SDK1: variants seen among roughly 807,000 people sequenced by gnomAD.
SDK1 encodes the protein sidekick cell adhesion molecule 1, also known as protein sidekick-1.
In SDK1, 157 loss-of-function variants were observed where a neutral mutation model predicts 245.5. That is an observed-to-expected ratio of 0.64 (90% CI 0.56 to 0.73). The LOEUF is 0.73. Among genes scored for constraint, SDK1 ranks in the 30% least tolerant of loss-of-function variants. The pLI is 0.00. For missense variants in SDK1, 3,583 were observed against 3,002.3 expected, an observed-to-expected ratio of 1.19 and a Z score of -4.52; for synonymous variants, 1,647 against 1,278.5, an observed-to-expected ratio of 1.29 and a Z score of -6.15.
chr7:3,420,157 G>C (rs919103816), intron 1 of SDK1, among the ~76,000 whole-genome samples: 6 of 152,180 alleles, frequency 3.9e-5, no homozygotes, highest in African/African-American at 1.4e-4. Flanking sequence ...ATTCAATGTG[G>C]TGTCCTTTGA....
chr7:3,539,783 C>T (rs1779000472), intron 1 of SDK1, among the ~76,000 whole-genome samples: 1 of 152,106 alleles, frequency 6.6e-6, no homozygotes, highest in Admixed American at 6.5e-5. Context: ...TAGGGCTCAC[C>T]AACTCAGTGC....
rs1260455726 is a variant in SDK1, at chr7:3,403,837, A to G, written c.298+101953A>G. Among the ~76,000 whole-genome samples, 8 of 54,962 alleles carry G rather than the reference A, an allele frequency of 1.5e-4. No homozygotes were observed. The East Asian group carries it at 2.1e-3, about 14-fold the overall frequency. The allele number at this position is 54,962 out of a possible 152,430, so 36.1% of individuals were successfully genotyped here. A position where few individuals can be genotyped will look rare whatever the true frequency, so the allele number is the denominator to read the frequency against. On this transcript the variant is annotated intron_variant, in intron 1 of 44. Coordinates refer to ENST00000404826, the MANE Select transcript of SDK1 (RefSeq NM_152744.4). ...TGAAATATCTTACATATATATATAT[A>G]TATATATATATATATATATATATAT...
chr7:4,251,120 A>G, intron 44 of SDK1, among the ~76,000 whole-genome samples: 1 of 152,224 alleles, frequency 6.6e-6, no homozygotes, highest in East Asian at 1.9e-4. Flanking sequence ...ACATATCAGT[A>G]CTTCATTTCT....
intron 40 of SDK1, among the ~76,000 whole-genome samples, chr7:4,228,908 T>G (rs770939754): frequency 3.9e-5 from 6 of 152,054 alleles, no homozygotes; most frequent in Non-Finnish European, 5.9e-5. Flanking sequence ...CTTCCGGACA[T>G]CCCAGAGAGC....
chr7:3,558,020 C>G (rs1375984502), intron 1 of SDK1, among the ~76,000 whole-genome samples: 1 of 146,860 alleles, frequency 6.8e-6, no homozygotes, highest in Non-Finnish European at 1.5e-5. Flanking sequence ...GACCCTGTTC[C>G]TGTCTCATAG....
intron 5 of SDK1, among the ~76,000 whole-genome samples, chr7:3,880,007 G>T (rs1178689965): frequency 6.6e-6 from 1 of 152,008 alleles, no homozygotes; most frequent in Non-Finnish European, 1.5e-5. Context: ...TCTTCTCAAT[G>T]GCTTTATAAT....
At chr7:3,349,029 C>T (rs775861051) in intron 1 of SDK1, among the ~76,000 whole-genome samples, 18 of 151,842 alleles carry the variant, frequency 1.2e-4, no homozygotes, top group Admixed American at 2.0e-4. Context: ...TGTGACTGGT[C>T]TGCGCTTCTT....
rs1378317615 is a variant in SDK1 at position 3,601,656 on chromosome 7, T to C, written c.299-17424T>C. Among the ~76,000 whole-genome samples the C allele has an allele frequency of 7.9e-5, 12 of 151,928 alleles. No homozygotes were observed. The East Asian group carries it at 2.3e-3, about 29-fold the overall frequency. ...TTTTCTCAAAGATCCAGCTTTCTTA[T>C]CAATTTATTTATTTATTTAAATTTT... On this transcript the variant is annotated intron_variant, in intron 1 of 44. Coordinates refer to ENST00000404826, the MANE Select transcript of SDK1 (RefSeq NM_152744.4).
intron 1 of SDK1, among the ~76,000 whole-genome samples, chr7:3,506,646 C>A (rs1045246530): frequency 6.6e-6 from 1 of 152,090 alleles, no homozygotes; most frequent in Non-Finnish European, 1.5e-5. Flanking sequence ...CAGTCTTCCT[C>A]CCCCTGCTCC....
chr7:3,412,232 C>T (rs1258439602), intron 1 of SDK1, among the ~76,000 whole-genome samples: 3 of 152,060 alleles, frequency 2.0e-5, no homozygotes, highest in African/African-American at 7.2e-5. Flanking sequence ...CCTTTTCCTG[C>T]CCCATTTCCT....
At chr7:3,827,977 TA>T (rs1779819401) in intron 5 of SDK1, among the ~76,000 whole-genome samples, 1 of 152,216 alleles carries the variant, frequency 6.6e-6, no homozygotes, top group Non-Finnish European at 1.5e-5. Context: ...CTGTCCTAAC[TA>T]ATACATTACT....
At chr7:3,656,664 C>T (rs1783194294) in intron 4 of SDK1, among the ~76,000 whole-genome samples, 2 of 151,998 alleles carry the variant, frequency 1.3e-5, no homozygotes, top group Admixed American at 6.5e-5. Flanking sequence ...TCAACCCATA[C>T]ATGCTCCTTG....
intron 1 of SDK1, among the ~76,000 whole-genome samples, chr7:3,416,009 G>T (rs993267892): frequency 1.3e-5 from 2 of 152,170 alleles, no homozygotes; most frequent in Admixed American, 6.5e-5. Context: ...AGTTCCATAT[G>T]ACACGACATG....
At chr7:3,792,357 T>C (rs1781124069) in intron 4 of SDK1, among the ~76,000 whole-genome samples, 1 of 152,166 alleles carries the variant, frequency 6.6e-6, no homozygotes, top group Admixed American at 6.5e-5. Flanking sequence ...CTTCTCTTTC[T>C]TCCATCATTT....
intron 1 of SDK1, among the ~76,000 whole-genome samples, chr7:3,541,190 G>A (rs973030454): frequency 3.9e-5 from 6 of 152,232 alleles, no homozygotes; most frequent in African/African-American, 1.2e-4. Context: ...GTGGACTCAT[G>A]GAGTATGTTT....
intron 35 of SDK1, among the ~76,000 whole-genome samples, chr7:4,191,266 G>T (rs1197728617): frequency 6.6e-6 from 1 of 152,282 alleles, no homozygotes; most frequent in Non-Finnish European, 1.5e-5. Context: ...GGTCACATGG[G>T]TGTCCTCCTG....
At position 4,145,895 on chromosome 7, in the gene SDK1, G is replaced by A. The variant is rs910136081; in HGVS notation, c.4402G>A (p.Val1468Ile). Residue 1468 changes from valine (V) to isoleucine (I), a missense_variant, in exon 29 of 45, where the codon GTC becomes ATC. By Grantham distance (29) the Val-to-Ile change is conservative (BLOSUM62 3). Coordinates refer to ENST00000404826, the MANE Select transcript of SDK1 (RefSeq NM_152744.4). Reference sequence around the variant, plus strand: ...CTGGGGGGAGCCACTGGAGGCCACCGTCATCACCACCGAGAAGAGAGGTAA... The same window carrying A: ...CTGGGGGGAGCCACTGGAGGCCACCATCATCACCACCGAGAAGAGAGGTAA... ...QGWGEPLEAT[V>I]ITTEKRERPA... The A allele has an allele frequency of 5.9e-5, 94 of 1,601,286 alleles. No homozygotes were observed. Among genetic ancestry groups the A allele is most frequent in the Non-Finnish European group, 7.6e-5 (89 of 1,174,294 alleles).
chr7:3,557,913 T>C (rs995899964), intron 1 of SDK1, among the ~76,000 whole-genome samples: 3 of 152,206 alleles, frequency 2.0e-5, no homozygotes, highest in Admixed American at 6.5e-5. Flanking sequence ...ATGTAGATCA[T>C]ACCATATGTA....
intron 1 of SDK1, among the ~76,000 whole-genome samples, chr7:3,512,704 T>G (rs1230639517): frequency 6.6e-6 from 1 of 152,254 alleles, no homozygotes; most frequent in African/African-American, 2.4e-5. Context: ...ATTTTTTAAT[T>G]GGTTGTTTGA....
Sources: allele counts gnomAD v4.1 joint callset (sites outside exome capture counted in the v4.1 genomes callset), GRCh38; gene constraint gnomAD v4.1.1; transcripts MANE v1.5; gene names NCBI Gene and HGNC (gene_info 2026-07-23, HGNC 2026-07-21).